Variants in CEP128 observed in about 807,000 individuals in gnomAD.
CEP128 encodes centrosomal protein 128.
A neutral mutation model predicts 156.7 loss-of-function variants in CEP128; 132 were observed. That is an observed-to-expected ratio of 0.84 (90% CI 0.73 to 0.97). CEP128 has a LOEUF of 0.97. Ranked by LOEUF, CEP128 falls within the 50% of genes least tolerant of loss-of-function variation. CEP128 has a pLI of 0.00. For missense variants in CEP128, 1,252 were observed against 1,281.9 expected (o/e 0.98, Z 0.36); for synonymous variants, 469 against 448.9 (o/e 1.04, Z -0.57).
At chr14:80,863,740 A>C (rs1305732539) in intron 8 of CEP128, among the ~76,000 whole-genome samples, 1 of 152,224 alleles carries the variant, frequency 6.6e-6, no homozygotes, top group Non-Finnish European at 1.5e-5. Context: ...GAATCAAGAA[A>C]AGTCCTGACA....
chr14:80,698,086 T>A (rs575142931), intron 19 of CEP128, among the ~76,000 whole-genome samples: 1 of 152,164 alleles, frequency 6.6e-6, no homozygotes, highest in African/African-American at 2.4e-5. Context: ...ATCATCAAAT[T>A]TCTATTAAAT....
chr14:80,653,514 T>A (rs8008167), intron 19 of CEP128, among the ~76,000 whole-genome samples: 1 of 151,910 alleles, frequency 6.6e-6, no homozygotes. Flanking sequence ...AGATTTTCTA[T>A]ACAGGCATAT....
chr14:80,886,047 A>G (rs1276906035), intron 8 of CEP128, among the ~76,000 whole-genome samples: 1 of 152,028 alleles, frequency 6.6e-6, no homozygotes, highest in African/African-American at 2.4e-5. Context: ...AAGATCAACT[A>G]AATAAAATAA....
chr14:80,835,914 T>C (rs1403605082), intron 12 of CEP128, among the ~76,000 whole-genome samples: 1 of 152,198 alleles, frequency 6.6e-6, no homozygotes, highest in Non-Finnish European at 1.5e-5. Flanking sequence ...TATTTGGGCA[T>C]GGGAATCGGA....
rs1223323235 is a variant in CEP128 at position 80,580,384 on chromosome 14, C to G, written c.2846G>C (p.Gly949Ala). 1 of 1,598,604 alleles carries G rather than the reference C, an allele frequency of 6.3e-7. No homozygotes were observed. The highest frequency in any genetic ancestry group is 8.6e-7 in the Non-Finnish European group (1 of 1,168,012). The change falls in exon 20 of 25, where the codon GGA becomes GCA. Residue 949 changes from glycine (G) to alanine (A), a missense_variant. Gly to Ala is a moderately conservative substitution (Grantham distance 60, BLOSUM62 0). Coordinates refer to ENST00000555265, the MANE Select transcript of CEP128 (RefSeq NM_152446.5). ...TATTTAAGAATTTACCTGCAGAGAT[C>G]CCATTTCTTCATCTTTTCTTTGGGT... Reference protein sequence around the residue: ...EETQRKDEEMGSLQDRVIALE... With the variant: ...EETQRKDEEMASLQDRVIALE...
chr14:80,536,906 G>A (rs1238260215), intron 21 of CEP128, among the ~76,000 whole-genome samples: 3 of 150,596 alleles, frequency 2.0e-5, no homozygotes, highest in Non-Finnish European at 4.4e-5. Context: ...CATGTGTATT[G>A]GGGTAAGAGG....
chr14:80,627,389 G>A (rs965291623), intron 19 of CEP128, among the ~76,000 whole-genome samples: 1 of 152,162 alleles, frequency 6.6e-6, no homozygotes, highest in Non-Finnish European at 1.5e-5. Flanking sequence ...TCTTAGACGT[G>A]ATTAAAATAA....
chr14:80,647,018 T>C lies in CEP128; in HGVS notation c.2807-66595A>G, dbSNP rs962386914. Among the ~76,000 whole-genome samples the C allele has an allele frequency of 5.2e-5, 6 of 115,424 alleles. 1 individual carries two copies. The highest frequency in any genetic ancestry group is 1.2e-4 in the Non-Finnish European group (6 of 51,050). The allele number at this position is 115,424 out of a possible 152,430, so 75.7% of individuals were successfully genotyped here. On this transcript the variant is annotated intron_variant, in intron 19 of 24. Transcript: ENST00000555265. ...AAATATATATATATATATATGTGTG[T>C]GTATATATATGTGTGCATGTATATA... is the stretch of plus-strand genomic sequence containing the variant.
intron 19 of CEP128, among the ~76,000 whole-genome samples, chr14:80,685,790 C>T (rs1193815494): frequency 6.6e-6 from 1 of 151,914 alleles, no homozygotes; most frequent in Non-Finnish European, 1.5e-5. Flanking sequence ...GAATAGAAAA[C>T]CCAGAAATAA....
chr14:80,518,162 C>T (rs1477425695), intron 23 of CEP128, among the ~76,000 whole-genome samples: 1 of 149,280 alleles, frequency 6.7e-6, no homozygotes, highest in Non-Finnish European at 1.5e-5. Context: ...GATCATTGTC[C>T]CTCCCTCTGT....
intron 21 of CEP128, among the ~76,000 whole-genome samples, chr14:80,538,792 A>G (rs781150190): frequency 1.3e-5 from 2 of 152,190 alleles, no homozygotes; most frequent in Middle Eastern, 3.2e-3. Context: ...TTCGTATGTC[A>G]GCTTAGTCAT....
At chr14:80,852,568 AAACT>A (rs1886946703) in intron 9 of CEP128, among the ~76,000 whole-genome samples, 1 of 151,864 alleles carries the variant, frequency 6.6e-6, no homozygotes, top group African/African-American at 2.4e-5. Flanking sequence ...GTCAAAAAGA[AAACT>A]AATAAAATAA....
chr14:80,635,302 C>A (rs1362353689), intron 19 of CEP128, among the ~76,000 whole-genome samples: 1 of 152,080 alleles, frequency 6.6e-6, no homozygotes, highest in African/African-American at 2.4e-5. Context: ...AGAATAGACC[C>A]CACACACAGA....
At chr14:80,577,410 C>T (rs946410160) in intron 20 of CEP128, among the ~76,000 whole-genome samples, 3 of 152,176 alleles carry the variant, frequency 2.0e-5, no homozygotes, top group Middle Eastern at 3.2e-3. Flanking sequence ...TGATCAACTT[C>T]CTCCTATATC....
intron 19 of CEP128, among the ~76,000 whole-genome samples, chr14:80,725,019 G>GATATATATATAT (rs563908140): frequency 1.4e-5 from 2 of 138,850 alleles, no homozygotes; most frequent in African/African-American, 5.3e-5. Flanking sequence ...ATACATATAT[G>GATATATATATAT]ATATATATAT....
chr14:80,664,469 AAGC>A (rs1052552723), intron 19 of CEP128, among the ~76,000 whole-genome samples: 4 of 149,318 alleles, frequency 2.7e-5, no homozygotes, highest in African/African-American at 1.0e-4. Context: ...AGAGGTCACA[AAGC>A]AGAGACAGAA....
intron 21 of CEP128, among the ~76,000 whole-genome samples, chr14:80,536,973 C>T (rs186070866): frequency 1.5e-3 from 224 of 152,260 alleles, no homozygotes; most frequent in Non-Finnish European, 2.7e-3. Flanking sequence ...ACTATGACAT[C>T]AGTGTCTACA....
intron 2 of CEP128, among the ~76,000 whole-genome samples, chr14:80,918,485 C>T (rs569588560): frequency 6.6e-6 from 1 of 152,290 alleles, no homozygotes; most frequent in East Asian, 1.9e-4. Flanking sequence ...AAAGTGAACA[C>T]TATTAACCCC....
At chr14:80,498,713 G>A (rs1362529829) in intron 24 of CEP128, among the ~76,000 whole-genome samples, 1 of 152,102 alleles carries the variant, frequency 6.6e-6, no homozygotes, top group Non-Finnish European at 1.5e-5. Context: ...CACCTTTATA[G>A]CACCAATCAC....
Sources: gnomAD v4.1 joint callset for allele counts (sites outside exome capture counted in the v4.1 genomes callset) on GRCh38, gnomAD v4.1.1 for gene constraint, MANE v1.5 for transcripts, NCBI Gene and HGNC (gene_info 2026-07-23, HGNC 2026-07-21) for gene names.